HDAC4: variants seen among roughly 807,000 people sequenced by gnomAD.
HDAC4 encodes the protein histone deacetylase 4, also known as histone deacetylase A.
A neutral mutation model predicts 135.1 loss-of-function variants in HDAC4; 16 were observed. The observed-to-expected ratio is 0.12, with a 90% confidence interval of 0.08 to 0.18. HDAC4 has a LOEUF of 0.18. HDAC4 is among the 10% of genes least tolerant of loss of function. The pLI is 1.00. For missense variants in HDAC4, 1,143 were observed against 1,511.8 expected (o/e 0.76, Z 4.05); for synonymous variants, 685 against 653.4 (o/e 1.05, Z -0.74).
intron 2 of HDAC4, among the ~76,000 whole-genome samples, chr2:239,265,396 C>A (rs571270443): frequency 3.9e-5 from 6 of 152,354 alleles, no homozygotes; most frequent in African/African-American, 1.4e-4. Context: ...ATAAATCACT[C>A]CTCCAGAGAA....
chr2:239,130,207 A>G (rs1298555959), intron 11 of HDAC4, among the ~76,000 whole-genome samples: 1 of 152,204 alleles, frequency 6.6e-6, no homozygotes, highest in Non-Finnish European at 1.5e-5. Flanking sequence ...ACCAATCAGC[A>G]TCTGTTTGAG....
chr2:239,357,658 G>A (rs1004782707), intron 1 of HDAC4, among the ~76,000 whole-genome samples: 1 of 151,514 alleles, frequency 6.6e-6, no homozygotes, highest in Non-Finnish European at 1.5e-5. Context: ...CCGAGGTGGG[G>A]GGATTGCTTG....
chr2:239,083,380 G>A (rs960134711), intron 20 of HDAC4, among the ~76,000 whole-genome samples: 9 of 152,194 alleles, frequency 5.9e-5, no homozygotes, highest in Non-Finnish European at 1.0e-4. Context: ...CTGCTCTGCC[G>A]CATCCCCTGA....
chr2:239,059,907 A>G (rs1041894955), intron 24 of HDAC4, among the ~76,000 whole-genome samples: 1 of 151,796 alleles, frequency 6.6e-6, no homozygotes, highest in Non-Finnish European at 1.5e-5. Context: ...GGGACCTTGG[A>G]CCCACCCACC....
intron 12 of HDAC4, among the ~76,000 whole-genome samples, chr2:239,118,782 C>T (rs919460112): frequency 2.6e-5 from 4 of 152,140 alleles, no homozygotes; most frequent in Admixed American, 6.5e-5. Context: ...AGGAATCTAG[C>T]AACATTGTCC....
intron 3 of HDAC4, among the ~76,000 whole-genome samples, chr2:239,226,033 A>G (rs1413964722): frequency 6.6e-6 from 1 of 152,198 alleles, no homozygotes; most frequent in Non-Finnish European, 1.5e-5. Flanking sequence ...ACCCTAACAC[A>G]GACAAGGGTC....
intron 1 of HDAC4, among the ~76,000 whole-genome samples, chr2:239,369,451 T>C (rs1694452828): frequency 6.6e-6 from 1 of 152,180 alleles, no homozygotes; most frequent in African/African-American, 2.4e-5. Flanking sequence ...CCCGGTTGGT[T>C]TCCCAAGCAT....
At chr2:239,127,364 A>G (rs536157580) in intron 11 of HDAC4, among the ~76,000 whole-genome samples, 63 of 152,342 alleles carry the variant, frequency 4.1e-4, no homozygotes, top group African/African-American at 1.3e-3. Context: ...ATCCATTTTG[A>G]TAGATGATCT....
chr2:239,172,921 A>T (rs948373234), intron 5 of HDAC4, among the ~76,000 whole-genome samples: 1 of 152,216 alleles, frequency 6.6e-6, no homozygotes, highest in African/African-American at 2.4e-5. Flanking sequence ...ACAAAGGCAT[A>T]TATTTCTTTT....
chr2:239,144,029 G>T (rs1249362708), intron 8 of HDAC4, among the ~76,000 whole-genome samples: 1 of 151,996 alleles, frequency 6.6e-6, no homozygotes, highest in Non-Finnish European at 1.5e-5. Flanking sequence ...CAGGATGGGG[G>T]TCTGCTCGGT....
rs370028450 is a variant in HDAC4, at chr2:239,293,466, G to GCAGGGGCGGAACATTAA, written c.23-56819_23-56803dup. Among the ~76,000 whole-genome samples the GCAGGGGCGGAACATTAA allele has an allele frequency of 4.1e-4, 62 of 152,326 alleles. 2 individuals carry two copies. The highest frequency in any genetic ancestry group is 1.4e-3 in the African/African-American group (60 of 41,564). ...TCAAAGGGGGATACAATCTACCCCA[G>GCAGGGGCGGAACATTAA]CAGGGGCGGAACATTAACAAGGGCG... On this transcript the variant is annotated intron_variant, in intron 2 of 26. Transcript: ENST00000543185.
intron 6 of HDAC4, among the ~76,000 whole-genome samples, chr2:239,163,179 C>T (rs2042919198): frequency 6.6e-6 from 1 of 152,082 alleles, no homozygotes; most frequent in South Asian, 2.1e-4. Context: ...TTGCGTGGGC[C>T]CTGGCAGGGT....
intron 12 of HDAC4, among the ~76,000 whole-genome samples, chr2:239,120,056 G>A (rs1271726369): frequency 3.3e-5 from 5 of 151,972 alleles, no homozygotes; most frequent in Non-Finnish European, 5.9e-5. Flanking sequence ...CCAGAGAAGG[G>A]CCACCACAGA....
intron 3 of HDAC4, among the ~76,000 whole-genome samples, chr2:239,197,041 C>T (rs1034217039): frequency 2.6e-5 from 4 of 152,172 alleles, no homozygotes; most frequent in Non-Finnish European, 4.4e-5. Flanking sequence ...TGTCTCTGCC[C>T]TACCTTAAGT....
At chr2:239,312,651 G>A (rs2052939599) in intron 2 of HDAC4, among the ~76,000 whole-genome samples, 1 of 152,172 alleles carries the variant, frequency 6.6e-6, no homozygotes, top group African/African-American at 2.4e-5. Context: ...TTATAAAAAC[G>A]GAAAACTGCA....
chr2:239,105,984 C>G (rs553696873), intron 15 of HDAC4, among the ~76,000 whole-genome samples: 18 of 152,288 alleles, frequency 1.2e-4, no homozygotes, highest in Admixed American at 3.3e-4. Context: ...GCACTGCTGT[C>G]CAGGGAGTAT....
chr2:239,318,047 G>C (rs1319968300), intron 2 of HDAC4, among the ~76,000 whole-genome samples: 1 of 152,058 alleles, frequency 6.6e-6, no homozygotes, highest in Non-Finnish European at 1.5e-5. Context: ...TAGATGACCA[G>C]TAGCCACCAC....
intron 17 of HDAC4, among the ~76,000 whole-genome samples, chr2:239,093,086 G>A (rs972473392): frequency 3.3e-5 from 5 of 152,322 alleles, no homozygotes; most frequent in Middle Eastern, 3.4e-3. Flanking sequence ...CCAGGACTCC[G>A]CTGGGCGAGG....
intron 3 of HDAC4, among the ~76,000 whole-genome samples, chr2:239,223,906 C>T (rs188704936): frequency 2.0e-4 from 30 of 151,966 alleles, no homozygotes; most frequent in African/African-American, 6.8e-4. Flanking sequence ...GGACCTTGCA[C>T]GGAGGAGATC....
Sources: gnomAD v4.1 joint callset for allele counts (sites outside exome capture counted in the v4.1 genomes callset) on GRCh38, gnomAD v4.1.1 for gene constraint, MANE v1.5 for transcripts, NCBI Gene and HGNC (gene_info 2026-07-23, HGNC 2026-07-21) for gene names.